INSIG2: variants seen among roughly 807,000 people sequenced by gnomAD.
The protein encoded by INSIG2 is insulin-induced gene 2 protein.
Under a neutral mutation model 27.2 loss-of-function variants are expected in INSIG2, and 10 were observed. The observed-to-expected ratio is 0.37, with a 90% CI of 0.23 to 0.62. The LOEUF (loss-of-function observed/expected upper bound fraction) is 0.62. Among genes scored for constraint, INSIG2 ranks in the 20% least tolerant of loss-of-function variants. INSIG2 has a pLI of 0.65. For synonymous variants in INSIG2, 97 were observed against 95.8 expected, an observed-to-expected ratio of 1.01 and a Z score of -0.07; for missense variants, 178 against 270.2, an observed-to-expected ratio of 0.66 and a Z score of 2.39.
intron 2 of INSIG2, among the ~76,000 whole-genome samples, chr2:118,097,568 G>T (rs1055527726): frequency 6.6e-6 from 1 of 152,100 alleles, no homozygotes; most frequent in Non-Finnish European, 1.5e-5. Context: ...AGTGTGTAAT[G>T]CATAGAGTAG....
chr2:118,103,866 CAA>C (rs921513679), intron 3 of INSIG2, among the ~76,000 whole-genome samples: 2 of 152,050 alleles, frequency 1.3e-5, no homozygotes, highest in Admixed American at 6.5e-5. Flanking sequence ...TACATATTTT[CAA>C]AGTTTTATTG....
intron 2 of INSIG2, among the ~76,000 whole-genome samples, chr2:118,097,150 C>T (rs72952710): frequency 0.032 from 3,880 of 119,462 alleles, 166 homozygotes; most frequent in African/African-American, 0.12. Context: ...GGGCTCATAA[C>T]GTATGTACTC....
rs1172378307 is a variant in INSIG2 at position 118,094,089 on chromosome 2, AGAT to A, written c.-138-2315_-138-2313del. 3.6e-3 allele frequency among the ~76,000 whole-genome samples: 283 copies of A among 77,630 alleles called. 15 individuals are homozygous for A. The highest frequency in any genetic ancestry group is 0.013 in the African/African-American group (259 of 19,898). 50.9% of individuals were successfully genotyped at this position (77,630 alleles called of 152,430 possible). On this transcript the variant is annotated intron_variant, in intron 1 of 5. Coordinates refer to ENST00000245787, the MANE Select transcript of INSIG2 (RefSeq NM_016133.4). The stretch of plus-strand genomic sequence containing the variant: ...CTACTGAACCTTGCTGAAAGCAACC[AGAT>A]GATGATGATGATGAGGAGGAGGAGG...
chr2:118,094,050 G>GAT (rs1370498938), intron 1 of INSIG2, among the ~76,000 whole-genome samples: 1 of 100,456 alleles, frequency 1.0e-5, no homozygotes, highest in Non-Finnish European at 2.1e-5. Flanking sequence ...TGATGATGAT[G>GAT]GAGAGTTCTG....
At chr2:118,106,966 C>G in intron 4 of INSIG2, 63 bp downstream of exon 4, 1 of 1,567,678 alleles carries the variant, frequency 6.4e-7, no homozygotes, top group Non-Finnish European at 8.8e-7. Context: ...TAACCGCTTT[C>G]AGAATTGAGA....
At chr2:118,100,773 C>T (rs915684869) in intron 2 of INSIG2, among the ~76,000 whole-genome samples, 8 of 152,162 alleles carry the variant, frequency 5.3e-5, no homozygotes, top group East Asian at 1.9e-4. Context: ...AGTTTTGCGT[C>T]GAAGTATACC....
At chr2:118,100,177 T>G (rs1270027462) in intron 2 of INSIG2, among the ~76,000 whole-genome samples, 1 of 149,912 alleles carries the variant, frequency 6.7e-6, no homozygotes, top group Non-Finnish European at 1.5e-5. Context: ...TCTGCGCCAT[T>G]TACTGCTGAA....
chr2:118,093,935 T>A (rs1424061086), intron 1 of INSIG2, among the ~76,000 whole-genome samples: 1 of 27,218 alleles, frequency 3.7e-5, no homozygotes. Flanking sequence ...ATGATGATGA[T>A]GATGATGAGG....
Position 118,108,507 on chromosome 2 carries a change from C to T in INSIG2, c.*185C>T, listed in dbSNP as rs1678732762. The stretch of plus-strand genomic sequence containing the variant: ...ATATTACTGCAATCTGTGATTGCTT[C>T]ATCTGTAAATCAGTTGTAAACCTTT... On this transcript the variant is annotated 3_prime_UTR_variant, in exon 6 of 6. Coordinates refer to ENST00000245787, the MANE Select transcript of INSIG2 (RefSeq NM_016133.4). 8.5e-6 allele frequency: 4 copies of T among 472,582 alleles called. No homozygotes were observed. The highest frequency in any genetic ancestry group is 1.1e-5 in the Non-Finnish European group (3 of 262,550). 29.3% of individuals were successfully genotyped at this position (472,582 alleles called of 1,614,324 possible).
Position 118,108,944 on chromosome 2 carries a change from A to C in INSIG2, c.*622A>C, listed in dbSNP as rs1678744645. The C allele has an allele frequency of 6.6e-6, 1 of 152,196 alleles. No individual in the cohort carries two copies. Among genetic ancestry groups the C allele is most frequent in the South Asian group, 2.1e-4 (1 of 4,832 alleles). The allele number at this position is 152,196 out of a possible 1,614,324, so 9.4% of individuals were successfully genotyped here. ...TCTGGTTTCAAACCTGCGTTACTGG[A>C]GACAGCCCAAAGAGTAATTTTCTGT... On this transcript the variant is annotated 3_prime_UTR_variant, in exon 6 of 6. Transcript: ENST00000245787.
At position 118,090,271 on chromosome 2, in the gene INSIG2, T is replaced by C. The variant is rs533664857; in HGVS notation, c.-139+1730T>C. On this transcript the variant is annotated intron_variant, in intron 1 of 5. Transcript: ENST00000245787. ...GTAAAAATACTTCTTTTACGGCTAA[T>C]CATTGGAAGAGGAATGGTCTTGTCA... Among the ~76,000 whole-genome samples, 52 of 152,212 alleles carry C rather than the reference T, an allele frequency of 3.4e-4. 1 individual carries two copies. The highest frequency in any genetic ancestry group is 2.0e-4 in the Admixed American group (3 of 15,280).
Position 118,108,468 on chromosome 2 carries a change from A to T in INSIG2, c.*146A>T. The T allele has an allele frequency of 1.8e-6, 1 of 555,774 alleles. No individual in the cohort carries two copies. Among genetic ancestry groups the T allele is most frequent in the Non-Finnish European group, 3.2e-6 (1 of 309,428 alleles). The allele number at this position is 555,774 out of a possible 1,614,324, so 34.4% of individuals were successfully genotyped here. On this transcript the variant is annotated 3_prime_UTR_variant, in exon 6 of 6. Coordinates refer to ENST00000245787, the MANE Select transcript of INSIG2 (RefSeq NM_016133.4). ...TGTGTGTATATATGGATAAATATAT[A>T]TATACACACACACATATTACTGCAA...
At chr2:118,105,172 C>G (rs1435547565) in intron 3 of INSIG2, among the ~76,000 whole-genome samples, 2 of 152,162 alleles carry the variant, frequency 1.3e-5, no homozygotes, top group African/African-American at 4.8e-5. Context: ...TCCTGAGTAG[C>G]TGGGACTACA....
intron 3 of INSIG2, among the ~76,000 whole-genome samples, chr2:118,104,609 C>T (rs1678628783): frequency 6.6e-6 from 1 of 152,096 alleles, no homozygotes; most frequent in African/African-American, 2.4e-5. Context: ...TCCACATTTT[C>T]TTTGTAAAGA....
intron 1 of INSIG2, among the ~76,000 whole-genome samples, chr2:118,088,956 G>C (rs180995884): frequency 1.3e-5 from 2 of 152,318 alleles, no homozygotes; most frequent in East Asian, 3.9e-4. Context: ...GCGGGGATTG[G>C]ATCCAAAGAA....
intron 3 of INSIG2, among the ~76,000 whole-genome samples, chr2:118,105,186 A>G (rs1162181722): frequency 2.0e-5 from 3 of 152,072 alleles, no homozygotes; most frequent in Non-Finnish European, 4.4e-5. Context: ...GACTACAGGC[A>G]CCTGCCACCA....
chr2:118,106,941 T>C, intron 4 of INSIG2, 38 bp downstream of exon 4: 1 of 1,602,614 alleles, frequency 6.2e-7, no homozygotes, highest in Non-Finnish European at 8.5e-7. Flanking sequence ...GCTTGTTTGC[T>C]AGATAAATAA....
At chr2:118,099,133 T>G (rs191542928) in intron 2 of INSIG2, among the ~76,000 whole-genome samples, 5 of 152,320 alleles carry the variant, frequency 3.3e-5, no homozygotes, top group Admixed American at 6.5e-5. Context: ...AGAAACATAG[T>G]GTGTTTGAGT....
At chr2:118,096,297 AT>A (rs1397439626) in intron 1 of INSIG2, 121 bp from the exon 2 acceptor site, 1 of 330,280 alleles carries the variant, frequency 3.0e-6, no homozygotes, top group East Asian at 5.5e-5. Flanking sequence ...ATTTGAATAA[AT>A]TAGTATACAA....
Sources: allele counts gnomAD v4.1 joint callset (sites outside exome capture counted in the v4.1 genomes callset), GRCh38; gene constraint gnomAD v4.1.1; transcripts MANE v1.5; gene names NCBI Gene and HGNC (gene_info 2026-07-23, HGNC 2026-07-21).